Variants in GLDN observed in about 807,000 individuals in gnomAD.
The protein encoded by GLDN is collomin.
GLDN carries 47 observed loss-of-function variants against 56.5 expected under a neutral mutation model. That is an observed-to-expected ratio of 0.83 (90% CI 0.66 to 1.06). The LOEUF (loss-of-function observed/expected upper bound fraction) is 1.06. GLDN is among the 50% of genes least tolerant of loss of function. The pLI is 0.00. For synonymous variants in GLDN, 332 were observed against 278.8 expected, an observed-to-expected ratio of 1.19 and a Z score of -1.90; for missense variants, 782 against 714.3, an observed-to-expected ratio of 1.09 and a Z score of -1.08.
At chr15:51,390,557 CA>C (rs1480098854) in intron 4 of GLDN, among the ~76,000 whole-genome samples, 1 of 152,156 alleles carries the variant, frequency 6.6e-6, no homozygotes, top group African/African-American at 2.4e-5. Flanking sequence ...CTTATAAAAA[CA>C]GAAATGAAAG....
chr15:51,386,739 G>A (rs2037903291), intron 4 of GLDN, among the ~76,000 whole-genome samples: 1 of 152,192 alleles, frequency 6.6e-6, no homozygotes, highest in Admixed American at 6.5e-5. Context: ...TGATATTTAG[G>A]GGTGAAGCCA....
Position 51,366,210 on chromosome 15 carries a change from C to T in GLDN, c.364-11239C>T, listed in dbSNP as rs533785083. 1.1e-4 allele frequency among the ~76,000 whole-genome samples: 17 copies of T among 152,298 alleles called. No homozygotes were observed. The South Asian group carries it at 1.9e-3, about 17-fold the overall frequency. On this transcript the variant is annotated intron_variant, in intron 1 of 9. Coordinates refer to ENST00000335449, the MANE Select transcript of GLDN (RefSeq NM_181789.4). Reference sequence around the variant, plus strand: ...CAAACACAGCCATATTGGGAGAACACGGTCGGAGGCCACCTTTGGGAGTGG... The same window carrying T: ...CAAACACAGCCATATTGGGAGAACATGGTCGGAGGCCACCTTTGGGAGTGG...
chr15:51,353,667 A>G (rs563512219), intron 1 of GLDN, among the ~76,000 whole-genome samples: 1 of 143,606 alleles, frequency 7.0e-6, no homozygotes, highest in South Asian at 2.4e-4. Flanking sequence ...GTTCTCCAGG[A>G]TATTGTTGCC....
chr15:51,384,306 A>C, intron 4 of GLDN: 1 of 238,770 alleles, frequency 4.2e-6, no homozygotes. Context: ...AAATCAATGA[A>C]CTGATGTTGG....
intron 5 of GLDN, among the ~76,000 whole-genome samples, chr15:51,396,341 T>C (rs541177331): frequency 6.6e-6 from 1 of 152,370 alleles, no homozygotes; most frequent in East Asian, 1.9e-4. Flanking sequence ...TACACTTCAG[T>C]TATTGCCATC....
At chr15:51,397,059 C>T (rs1446175368) in intron 5 of GLDN, among the ~76,000 whole-genome samples, 2 of 152,080 alleles carry the variant, frequency 1.3e-5, no homozygotes, top group African/African-American at 4.8e-5. Flanking sequence ...CCTTATGAAC[C>T]CCAATTGAAA....
chr15:51,408,540 T>C (rs1367883244), downstream of GLDN, among the ~76,000 whole-genome samples: 2 of 152,228 alleles, frequency 1.3e-5, no homozygotes, highest in African/African-American at 4.8e-5. Flanking sequence ...TGTTCTTTTT[T>C]TCTTTTCTTT....
At chr15:51,345,969 A>T (rs1338729660) in intron 1 of GLDN, among the ~76,000 whole-genome samples, 1 of 152,230 alleles carries the variant, frequency 6.6e-6, no homozygotes, top group Non-Finnish European at 1.5e-5. Flanking sequence ...GGAAGAAAAG[A>T]TGTGCAAAAC....
chr15:51,357,670 C>T (rs766817144), intron 1 of GLDN, among the ~76,000 whole-genome samples: 6 of 152,140 alleles, frequency 3.9e-5, no homozygotes, highest in South Asian at 4.2e-4. Context: ...ACTGTCATCC[C>T]GAACTCCCAG....
intron 3 of GLDN, 152 bp downstream of exon 3, chr15:51,383,605 C>T (rs2037817606): frequency 9.5e-7 from 1 of 1,053,818 alleles, no homozygotes; most frequent in Non-Finnish European, 1.4e-6. Context: ...GAGGCTCTGC[C>T]ATCACCATCC....
In GLDN at chr15:51,407,956, G is replaced by T. The variant is rs1181713200; in HGVS notation, c.*3202G>T. On this transcript the variant is annotated 3_prime_UTR_variant, in exon 10 of 10. Transcript: ENST00000335449. ...ATGAATAACGATGAATGTCTTTTTG[G>T]TTGTAATTTAACAAGTCAAATAAAA... 2.0e-5 allele frequency: 3 copies of T among 152,140 alleles called. No individual in the cohort carries two copies. The highest frequency in any genetic ancestry group is 7.2e-5 in the African/African-American group (3 of 41,434). The allele number at this position is 152,140 out of a possible 1,614,324, so 9.4% of individuals were successfully genotyped here.
chr15:51,395,063 G>A, intron 5 of GLDN, 82 bp downstream of exon 5: 2 of 1,371,340 alleles, frequency 1.5e-6, no homozygotes, highest in Non-Finnish European at 1.9e-6. Flanking sequence ...GGCTGCTCCT[G>A]TGTCTTCTCT....
intron 1 of GLDN, among the ~76,000 whole-genome samples, chr15:51,366,667 CTG>C (rs2037408686): frequency 6.6e-6 from 1 of 152,154 alleles, no homozygotes; most frequent in Non-Finnish European, 1.5e-5. Context: ...AATCCCAGGA[CTG>C]TGGGAGGCTG....
intron 1 of GLDN, among the ~76,000 whole-genome samples, chr15:51,343,263 T>A (rs2036918228): frequency 6.6e-6 from 1 of 152,244 alleles, no homozygotes; most frequent in South Asian, 2.1e-4. Context: ...AGATCAAGTT[T>A]TCCATTCCTC....
chr15:51,368,382 G>C (rs951456608), intron 1 of GLDN, among the ~76,000 whole-genome samples: 1 of 151,988 alleles, frequency 6.6e-6, no homozygotes, highest in Non-Finnish European at 1.5e-5. Flanking sequence ...TTTTTGGAAG[G>C]CTGAGAAAGA....
rs757926070 is a variant in GLDN, at chr15:51,401,587, C to T, written c.1028-6C>T. 4 of 1,611,678 alleles carry T rather than the reference C, an allele frequency of 2.5e-6. No individual in the cohort carries two copies. The South Asian group carries it at 4.4e-5, about 18-fold the overall frequency. ...TAACAGCCTCTCCCTGGCTTCCCTC[C>T]TACAGGCATCATGGTTAAGGAATTC... On this transcript the variant is annotated splice_region_variant and splice_polypyrimidine_tract_variant and intron_variant, in intron 8 of 9. Coordinates refer to ENST00000335449, the MANE Select transcript of GLDN (RefSeq NM_181789.4).
intron 4 of GLDN, among the ~76,000 whole-genome samples, chr15:51,394,119 C>T (rs1261692117): frequency 2.0e-5 from 3 of 152,198 alleles, no homozygotes; most frequent in Non-Finnish European, 4.4e-5. Context: ...GCCTAGCCTA[C>T]CACTCCAATA....
rs1595838197 is a variant in GLDN, at chr15:51,397,534, G to A, written c.753G>A (p.Gly251=). ...PGPPGPPGPP[G]PPGSRRAKGP... Reference sequence around the variant, plus strand: ...CCCCAGGCCCTCCAGGTCCTCCAGGGCCCCCTGGAAGCAGAAGAGCCAAAG... The same window carrying A: ...CCCCAGGCCCTCCAGGTCCTCCAGGACCCCCTGGAAGCAGAAGAGCCAAAG... The change falls in exon 6 of 10, where the codon GGG becomes GGA. Residue 251 remains glycine (G), a synonymous_variant. Transcript: ENST00000335449. 6.3e-7 allele frequency: 1 copy of A among 1,599,422 alleles called. No homozygotes were observed.
Position 51,374,982 on chromosome 15 carries a change from G to A in GLDN, c.364-2467G>A, listed in dbSNP as rs555083186. On this transcript the variant is annotated intron_variant, in intron 1 of 9. Transcript: ENST00000335449. ...GGCTGAAATCAATCTTCCCACCTTG[G>A]CCTACCAAAGCACTGGGATTACAGA... Among the ~76,000 whole-genome samples, 3 of 152,016 alleles carry A rather than the reference G, an allele frequency of 2.0e-5. No individual in the cohort carries two copies. In the South Asian group the frequency reaches 6.3e-4, roughly 32 times the overall value.
Sources: allele counts gnomAD v4.1 joint callset (sites outside exome capture counted in the v4.1 genomes callset), GRCh38; gene constraint gnomAD v4.1.1; transcripts MANE v1.5; gene names NCBI Gene and HGNC (gene_info 2026-07-23, HGNC 2026-07-21).